Variants in PRKCH observed in about 807,000 individuals in gnomAD.
PRKCH encodes protein kinase C eta, also known as protein kinase C eta type.
PRKCH carries 28 observed loss-of-function variants against 82.5 expected under a neutral mutation model. That is an observed-to-expected ratio of 0.34 (90% confidence interval 0.25 to 0.47). PRKCH has a LOEUF of 0.47. Among genes scored for constraint, PRKCH ranks in the 20% least tolerant of loss-of-function variants. PRKCH has a pLI of 1.00. For missense variants in PRKCH, 705 were observed against 881.8 expected (o/e 0.80, Z 2.54); for synonymous variants, 322 against 327.4 (o/e 0.98, Z 0.18).
intron 1 of PRKCH, among the ~76,000 whole-genome samples, chr14:61,249,622 A>G (rs1208763009): frequency 6.7e-6 from 1 of 148,894 alleles, no homozygotes; most frequent in East Asian, 2.0e-4. Flanking sequence ...ATTTTTTTTT[A>G]TTATTTTTTA....
chr14:61,460,117 G>A (rs899666529), intron 9 of PRKCH, among the ~76,000 whole-genome samples: 2 of 152,124 alleles, frequency 1.3e-5, no homozygotes, highest in African/African-American at 4.8e-5. Context: ...AAAGTTCTGG[G>A]ATTACAGGCG....
intron 1 of PRKCH, among the ~76,000 whole-genome samples, chr14:61,369,851 T>C (rs537422360): frequency 3.3e-5 from 5 of 152,242 alleles, no homozygotes; most frequent in African/African-American, 1.2e-4. Context: ...AACAGAACTT[T>C]ATTTTTAAAC....
intron 1 of PRKCH, among the ~76,000 whole-genome samples, chr14:61,323,196 C>G (rs2045653365): frequency 6.6e-6 from 1 of 152,152 alleles, no homozygotes. Flanking sequence ...CCATCACCAG[C>G]CTGTGTTCCT....
chr14:61,209,456 T>G lies in PRKCH; in HGVS notation c.-19+21788T>G, dbSNP rs532660695. ...TGTCTGTTCTTTAAGTCACCCAGTC[T>G]ATCGTATTTTATCATAGCATCCCGA... On this transcript the variant is annotated intron_variant, in intron 1 of 3. Coordinates refer to the PRKCH transcript ENST00000555185. 1.4e-4 allele frequency among the ~76,000 whole-genome samples: 21 copies of G among 151,822 alleles called. 1 individual carries two copies. In the South Asian group the frequency reaches 4.4e-3, roughly 32 times the overall value.
At chr14:61,231,467 A>G (rs1279965312) in intron 1 of PRKCH, among the ~76,000 whole-genome samples, 1 of 148,020 alleles carries the variant, frequency 6.8e-6, no homozygotes, top group African/African-American at 2.5e-5. Context: ...GGTTCACGCC[A>G]TTCTCCTGCC....
At chr14:61,461,174 C>G (rs1314817853) in intron 9 of PRKCH, among the ~76,000 whole-genome samples, 2 of 152,204 alleles carry the variant, frequency 1.3e-5, no homozygotes, top group Non-Finnish European at 2.9e-5. Context: ...TCTGCTTTCC[C>G]TCTGCTGGAT....
At chr14:61,440,201 G>A (rs183125832) in intron 2 of PRKCH, among the ~76,000 whole-genome samples, 25 of 152,268 alleles carry the variant, frequency 1.6e-4, no homozygotes, top group African/African-American at 4.8e-4. Context: ...TGTTCACTTC[G>A]TGGTTTCTAA....
chr14:61,527,370 G>T (rs1437512397), intron 10 of PRKCH, among the ~76,000 whole-genome samples: 1 of 152,074 alleles, frequency 6.6e-6, no homozygotes, highest in African/African-American at 2.4e-5. Flanking sequence ...AAACCTACTG[G>T]ATTTAAGACA....
rs3783798 is a variant in PRKCH, at chr14:61,456,069, A to G, written c.961-1107A>G. On this transcript the variant is annotated intron_variant, in intron 7 of 13. Transcript: ENST00000332981. ...AGGAAGTTATCTTAAGAAACTGAAT[A>G]ATGATAATGACAATACAGCTTAAGT... Among the ~76,000 whole-genome samples the G allele has an allele frequency of 0.019, 2,892 of 152,304 alleles. 198 individuals carry two copies. The East Asian group carries it at 0.26, about 14-fold the overall frequency.
intron 1 of PRKCH, among the ~76,000 whole-genome samples, chr14:61,356,027 T>C (rs2046143183): frequency 6.6e-6 from 1 of 152,128 alleles, no homozygotes; most frequent in Non-Finnish European, 1.5e-5. Context: ...TGGTAACACA[T>C]CGCCACCCCT....
At chr14:61,221,224 C>T (rs1214491063) in intron 1 of PRKCH, among the ~76,000 whole-genome samples, 1 of 152,116 alleles carries the variant, frequency 6.6e-6, no homozygotes, top group Non-Finnish European at 1.5e-5. Flanking sequence ...GAGAAGAACC[C>T]AGCTGCCAGA....
chr14:61,489,540 C>A (rs1000288912), intron 10 of PRKCH, among the ~76,000 whole-genome samples: 8 of 152,186 alleles, frequency 5.3e-5, no homozygotes, highest in African/African-American at 1.9e-4. Flanking sequence ...AAGCCCAGTT[C>A]CTAGGAGACT....
chr14:61,498,677 G>A (rs1250452105), intron 10 of PRKCH, among the ~76,000 whole-genome samples: 4 of 152,092 alleles, frequency 2.6e-5, no homozygotes, highest in African/African-American at 7.3e-5. Context: ...ATGCGGTGAG[G>A]GGATGGAGAG....
chr14:61,284,056 T>C (rs1040464234), intron 1 of PRKCH, among the ~76,000 whole-genome samples: 2 of 152,080 alleles, frequency 1.3e-5, no homozygotes, highest in African/African-American at 4.8e-5. Flanking sequence ...AGCTTACTGA[T>C]AGTGCAAAGG....
At chr14:61,289,699 CCT>C (rs1177658363) in intron 1 of PRKCH, among the ~76,000 whole-genome samples, 9 of 151,692 alleles carry the variant, frequency 5.9e-5, no homozygotes, top group Non-Finnish European at 1.2e-4. Flanking sequence ...AGAGTGAGAC[CCT>C]GTCTCAAAAA....
intron 9 of PRKCH, among the ~76,000 whole-genome samples, chr14:61,472,031 GC>G (rs1204478137): frequency 6.6e-6 from 1 of 152,174 alleles, no homozygotes; most frequent in Non-Finnish European, 1.5e-5. Flanking sequence ...GCTCATTACA[GC>G]TGTTGGTGCC....
intron 10 of PRKCH, among the ~76,000 whole-genome samples, chr14:61,503,023 G>A (rs1211179426): frequency 1.1e-4 from 6 of 56,412 alleles, no homozygotes; most frequent in African/African-American, 4.1e-4. Flanking sequence ...TTTTTTTTTT[G>A]ACTCCTACAC....
intron 13 of PRKCH, among the ~76,000 whole-genome samples, chr14:61,549,273 AAAC>A (rs1594805820): frequency 6.6e-6 from 1 of 152,374 alleles, no homozygotes; most frequent in East Asian, 1.9e-4. Context: ...AACTCTGCGC[AAAC>A]AATAGGTAGG....
chr14:61,305,001 CT>C, intron 1 of PRKCH: 1 of 151,680 alleles, frequency 6.6e-6, no homozygotes, highest in Admixed American at 6.6e-5. Context: ...GGTTTTTAAC[CT>C]TTTGACTACA....
Sources: gnomAD v4.1 joint callset for allele counts (sites outside exome capture counted in the v4.1 genomes callset) on GRCh38, gnomAD v4.1.1 for gene constraint, MANE v1.5 for transcripts, NCBI Gene and HGNC (gene_info 2026-07-23, HGNC 2026-07-21) for gene names.